The following PARD3B variants were observed in gnomAD, a reference collection of about 807,000 sequenced individuals.
The protein encoded by PARD3B is partitioning defective 3 homolog B.
A neutral mutation model predicts 130.2 loss-of-function variants in PARD3B; 103 were observed. The observed-to-expected ratio is 0.79, with a 90% CI of 0.67 to 0.93. PARD3B has a LOEUF of 0.93. Ranked by LOEUF, PARD3B falls within the 40% of genes least tolerant of loss-of-function variation. The pLI is 0.00. For synonymous variants in PARD3B, 583 were observed against 553.2 expected (o/e 1.05, Z -0.76); for missense variants, 1,609 against 1,499.2 (o/e 1.07, Z -1.21).
At chr2:205,491,331 G>T (rs1360958562) in intron 20 of PARD3B, among the ~76,000 whole-genome samples, 1 of 152,164 alleles carries the variant, frequency 6.6e-6, no homozygotes, top group South Asian at 2.1e-4. Context: ...CATATGGCTA[G>T]CCAGTTTTCC....
rs1689113748 is a variant in PARD3B at position 204,943,980 on chromosome 2, C to T, written c.223-21172C>T. ...CTAAACATTCAAAATTACATCACCT[C>T]AGGGAAACTAAGTTAAGAACAACTC... is the stretch of plus-strand genomic sequence containing the variant. On this transcript the variant is annotated intron_variant, in intron 2 of 22. Transcript: ENST00000406610. The surrounding 1 kb of genome is among the most constrained non-coding windows in gnomAD (Gnocchi z 4.2). Among the ~76,000 whole-genome samples the T allele has an allele frequency of 6.6e-6, 1 of 152,096 alleles. No homozygotes were observed. The highest frequency in any genetic ancestry group is 1.5e-5 in the Non-Finnish European group (1 of 68,044).
intron 2 of PARD3B, among the ~76,000 whole-genome samples, chr2:204,720,062 C>CCT (rs879811048): frequency 4.4e-5 from 6 of 136,698 alleles, no homozygotes; most frequent in African/African-American, 6.4e-5. Context: ...GTCTTTATGG[C>CCT]ATTTTTTTGT....
At chr2:205,174,133 T>G (rs2035332608) in intron 12 of PARD3B, among the ~76,000 whole-genome samples, 1 of 152,192 alleles carries the variant, frequency 6.6e-6, no homozygotes, top group African/African-American at 2.4e-5. Context: ...GTTGGCACAC[T>G]TTACTATTTG....
chr2:205,516,677 A>G (rs1007341520), intron 21 of PARD3B, among the ~76,000 whole-genome samples: 22 of 152,218 alleles, frequency 1.4e-4, no homozygotes, highest in African/African-American at 5.1e-4. Flanking sequence ...GGTTGAGACT[A>G]TAGGGTTCTC....
At chr2:204,817,397 T>A (rs2043185097) in intron 2 of PARD3B, among the ~76,000 whole-genome samples, 1 of 152,076 alleles carries the variant, frequency 6.6e-6, no homozygotes. Context: ...TTAATTTAAA[T>A]GTTGTTAGGT....
At chr2:204,845,929 A>G (rs773983896) in intron 2 of PARD3B, among the ~76,000 whole-genome samples, 10 of 152,274 alleles carry the variant, frequency 6.6e-5, no homozygotes, top group Non-Finnish European at 8.8e-5. Context: ...AAATCTGTAT[A>G]TGATGAAACA....
intron 2 of PARD3B, among the ~76,000 whole-genome samples, chr2:204,886,486 T>G (rs2046274516): frequency 6.6e-6 from 1 of 152,230 alleles, no homozygotes; most frequent in Admixed American, 6.5e-5. Context: ...TCTTAGTGTT[T>G]TATGAATTAT....
intron 2 of PARD3B, among the ~76,000 whole-genome samples, chr2:204,814,025 T>C (rs1056824792): frequency 5.3e-5 from 8 of 152,150 alleles, no homozygotes; most frequent in African/African-American, 1.4e-4. Context: ...GAAGGGATTA[T>C]GTTCAAGATA....
intron 2 of PARD3B, among the ~76,000 whole-genome samples, chr2:204,944,415 C>A (rs927574133): frequency 2.0e-5 from 3 of 152,150 alleles, no homozygotes; most frequent in Non-Finnish European, 4.4e-5. Context: ...TGGTAAATAG[C>A]AATCCATCAA....
intron 18 of PARD3B, among the ~76,000 whole-genome samples, chr2:205,310,901 T>A (rs2042364715): frequency 6.6e-6 from 1 of 151,936 alleles, no homozygotes. Flanking sequence ...TTTTTGTATT[T>A]TTAGTAGAGA....
chr2:205,444,112 AGCTGGGACTACCG>A (rs2047822064), intron 20 of PARD3B, among the ~76,000 whole-genome samples: 1 of 152,142 alleles, frequency 6.6e-6, no homozygotes, highest in Non-Finnish European at 1.5e-5. Flanking sequence ...CTTCCCAAGT[AGCTGGGACTACCG>A]GCACAAGCCA....
Position 205,591,588 on chromosome 2 carries a change from A to T in PARD3B, c.3261-23868A>T, listed in dbSNP as rs1339037157. On this transcript the variant is annotated intron_variant, in intron 22 of 22. Coordinates refer to ENST00000406610, the MANE Select transcript of PARD3B (RefSeq NM_001302769.2). This position sits in a 1 kb window ranked among gnomAD's most constrained non-coding sequence, Gnocchi z 4.2. ...AGAAACAGACTGTCTTACAGAGGAA[A>T]CATTCGTTCATTGGAAACCCAGAAC... Among the ~76,000 whole-genome samples, 1 of 152,198 alleles carries T rather than the reference A, an allele frequency of 6.6e-6. No homozygotes were observed. The highest frequency in any genetic ancestry group is 1.5e-5 in the Non-Finnish European group (1 of 68,022).
chr2:205,046,645 G>T (rs553853234), intron 3 of PARD3B, among the ~76,000 whole-genome samples: 41 of 152,218 alleles, frequency 2.7e-4, no homozygotes, highest in African/African-American at 9.4e-4. Flanking sequence ...AGCTGGAATC[G>T]CTTCAGAGGT....
intron 3 of PARD3B, among the ~76,000 whole-genome samples, chr2:204,981,973 G>A (rs909514492): frequency 1.3e-5 from 2 of 152,004 alleles, no homozygotes; most frequent in Non-Finnish European, 2.9e-5. Context: ...AAGACATTGT[G>A]TGTGTGTATG....
At chr2:205,137,283 G>C (rs1175340638) in intron 10 of PARD3B, among the ~76,000 whole-genome samples, 1 of 152,052 alleles carries the variant, frequency 6.6e-6, no homozygotes, top group East Asian at 1.9e-4. Context: ...AGATAGATTC[G>C]AAGAAGCAAG....
chr2:205,359,565 T>C (rs1457135555), intron 18 of PARD3B, among the ~76,000 whole-genome samples: 4 of 152,220 alleles, frequency 2.6e-5, no homozygotes, highest in Non-Finnish European at 5.9e-5. Context: ...CCTTAATCTA[T>C]ACTCCTTTTA....
chr2:205,059,255 A>T (rs1699919699), intron 4 of PARD3B, among the ~76,000 whole-genome samples: 2 of 152,010 alleles, frequency 1.3e-5, no homozygotes, highest in Non-Finnish European at 2.9e-5. Flanking sequence ...TAGAGGGTTT[A>T]TTTCTCAGTC....
At chr2:205,295,652 TTCA>T (rs1180623329) in intron 16 of PARD3B, among the ~76,000 whole-genome samples, 1 of 152,314 alleles carries the variant, frequency 6.6e-6, no homozygotes, top group South Asian at 2.1e-4. Flanking sequence ...TGGAAGCAAT[TTCA>T]TCAATAATGG....
At chr2:204,663,143 A>G (rs1369523466) in intron 1 of PARD3B, among the ~76,000 whole-genome samples, 1 of 152,108 alleles carries the variant, frequency 6.6e-6, no homozygotes, top group African/African-American at 2.4e-5. Flanking sequence ...GCTTAATCCA[A>G]GCTGTAACCA....
Sources: gnomAD v4.1 joint callset for allele counts (sites outside exome capture counted in the v4.1 genomes callset) on GRCh38, gnomAD v4.1.1 for gene constraint, Gnocchi (gnomAD v3.1) non-coding constraint, MANE v1.5 for transcripts, NCBI Gene and HGNC (gene_info 2026-07-23, HGNC 2026-07-21) for gene names.